ASTN1: variants seen among roughly 807,000 people sequenced by gnomAD.
ASTN1 encodes the protein astrotactin-1.
Under a neutral mutation model 140.7 loss-of-function variants are expected in ASTN1, and 41 were observed. The ratio of observed to expected loss-of-function variants is 0.29; its 90% CI spans 0.23 to 0.38. The LOEUF (loss-of-function observed/expected upper bound fraction) is 0.38, where lower values mean the gene tolerates loss of function less well. ASTN1 is among the 10% of genes least tolerant of loss of function. ASTN1 has a pLI of 1.00. For synonymous variants in ASTN1, 640 were observed against 652.2 expected, an observed-to-expected ratio of 0.98 and a Z score of 0.29; for missense variants, 1,479 against 1,678.8, an observed-to-expected ratio of 0.88 and a Z score of 2.08.
At chr1:177,051,459 T>A (rs770624342) in intron 2 of ASTN1, among the ~76,000 whole-genome samples, 3 of 152,246 alleles carry the variant, frequency 2.0e-5, no homozygotes, top group Non-Finnish European at 2.9e-5. Flanking sequence ...AGATGAATAG[T>A]TGAAAAAGAG....
intron 18 of ASTN1, among the ~76,000 whole-genome samples, chr1:176,885,502 C>T (rs1425316647): frequency 6.6e-6 from 1 of 152,136 alleles, no homozygotes; most frequent in Non-Finnish European, 1.5e-5. Flanking sequence ...TTCCCCATTC[C>T]TGCTCACTCC....
chr1:177,057,108 T>C (rs1347401587), intron 2 of ASTN1, among the ~76,000 whole-genome samples: 1 of 152,194 alleles, frequency 6.6e-6, no homozygotes, highest in Non-Finnish European at 1.5e-5. Context: ...AAAGCAATAA[T>C]GTAAGATTTC....
chr1:176,971,540 T>C (rs939185833), intron 8 of ASTN1, among the ~76,000 whole-genome samples: 1 of 152,182 alleles, frequency 6.6e-6, no homozygotes, highest in Admixed American at 6.5e-5. Context: ...CAACTGCTAT[T>C]TACTTGGACA....
intron 16 of ASTN1, 35 bp downstream of exon 16, chr1:176,934,116 TG>T: frequency 6.4e-7 from 1 of 1,573,188 alleles, no homozygotes; most frequent in Non-Finnish European, 8.7e-7. Context: ...AGTACTGGCA[TG>T]AGGTATGGAA....
At chr1:177,039,166 T>C (rs999617147) in intron 2 of ASTN1, among the ~76,000 whole-genome samples, 1 of 152,200 alleles carries the variant, frequency 6.6e-6, no homozygotes, top group African/African-American at 2.4e-5. Flanking sequence ...ATTTCAAAGC[T>C]TACTTTTACC....
intron 5 of ASTN1, among the ~76,000 whole-genome samples, chr1:177,026,378 A>G (rs900467332): frequency 6.6e-6 from 1 of 151,928 alleles, no homozygotes; most frequent in African/African-American, 2.4e-5. Context: ...AACTACTTCC[A>G]TTGCCCAGCC....
Position 176,862,900 on chromosome 1 carries a change from C to G in ASTN1, c.*1384G>C, listed in dbSNP as rs937349484. ...CTTGCATCTGTTTGCTGACCTTTCT[C>G]ATATGTTTCCAGATGAGGAGCCCTG... On this transcript the variant is annotated 3_prime_UTR_variant, in exon 23 of 23. Coordinates refer to ENST00000361833, the MANE Select transcript of ASTN1 (RefSeq NM_004319.3). 47 of 985,370 alleles carry G rather than the reference C, an allele frequency of 4.8e-5. No homozygotes were observed. In the African/African-American group the frequency reaches 7.3e-4, roughly 15 times the overall value. 61.0% of individuals were successfully genotyped at this position (985,370 alleles called of 1,614,324 possible).
At chr1:176,982,981 T>C (rs912558926) in intron 8 of ASTN1, among the ~76,000 whole-genome samples, 5 of 151,828 alleles carry the variant, frequency 3.3e-5, no homozygotes, top group Non-Finnish European at 7.4e-5. Context: ...CAGATGATGA[T>C]TGAGGGGGGA....
chr1:176,984,515 A>T (rs1673792920), intron 8 of ASTN1, among the ~76,000 whole-genome samples: 1 of 152,180 alleles, frequency 6.6e-6, no homozygotes, highest in South Asian at 2.1e-4. Flanking sequence ...CCAGGGAAAG[A>T]CTAGACTGGA....
rs559949331 is a variant in ASTN1 at position 177,118,231 on chromosome 1, C to T, written c.283+46163G>A. On this transcript the variant is annotated intron_variant, in intron 1 of 22. Transcript: ENST00000361833. ...TTAGTAATAATATTGGTTGTGATGACAATCTGATTATTTAGTGAATCTAGG... is the reference window on the plus strand; with the variant it reads ...TTAGTAATAATATTGGTTGTGATGATAATCTGATTATTTAGTGAATCTAGG... Among the ~76,000 whole-genome samples the T allele has an allele frequency of 5.9e-5, 9 of 151,656 alleles. 1 individual carries two copies. The East Asian group carries it at 1.4e-3, about 23-fold the overall frequency.
chr1:176,941,784 G>A (rs991889322), intron 14 of ASTN1, among the ~76,000 whole-genome samples: 5 of 152,150 alleles, frequency 3.3e-5, no homozygotes, highest in East Asian at 1.9e-4. Flanking sequence ...ACAGAGCCAC[G>A]TATCTTATTA....
At position 177,116,096 on chromosome 1, in the gene ASTN1, T is replaced by C. The variant is rs116010766; in HGVS notation, c.283+48298A>G. Reference sequence around the variant, plus strand: ...TCATGAAACCCAAATTCTAGAAAAATCAAGTTCTCATCCCATCTGACCTGA... The same window carrying C: ...TCATGAAACCCAAATTCTAGAAAAACCAAGTTCTCATCCCATCTGACCTGA... On this transcript the variant is annotated intron_variant, in intron 1 of 22. Transcript: ENST00000361833. Among the ~76,000 whole-genome samples the C allele has an allele frequency of 7.1e-3, 1,081 of 152,204 alleles. 12 individuals are homozygous for C. The highest frequency in any genetic ancestry group is 0.024 in the African/African-American group (994 of 41,528).
At chr1:177,118,767 T>C (rs1204292320) in intron 1 of ASTN1, among the ~76,000 whole-genome samples, 2 of 152,128 alleles carry the variant, frequency 1.3e-5, no homozygotes, top group Non-Finnish European at 2.9e-5. Context: ...TGCAGGTATA[T>C]AGGTAAATGC....
intron 1 of ASTN1, among the ~76,000 whole-genome samples, chr1:177,124,750 G>C (rs1270025204): frequency 6.6e-6 from 1 of 152,198 alleles, no homozygotes; most frequent in Non-Finnish European, 1.5e-5. Flanking sequence ...TTTTGATAGA[G>C]GAGGAGGAGT....
At chr1:177,036,199 C>A (rs1400376073) in intron 2 of ASTN1, among the ~76,000 whole-genome samples, 1 of 151,672 alleles carries the variant, frequency 6.6e-6, no homozygotes, top group Non-Finnish European at 1.5e-5. Context: ...TACAGGCATG[C>A]ACCACCACGC....
chr1:177,106,715 C>G (rs1680560360), intron 1 of ASTN1, among the ~76,000 whole-genome samples: 1 of 152,152 alleles, frequency 6.6e-6, no homozygotes, highest in Non-Finnish European at 1.5e-5. Context: ...TTCACAGATC[C>G]AATCAACAAA....
intron 1 of ASTN1, among the ~76,000 whole-genome samples, chr1:177,076,759 G>C (rs1678935003): frequency 6.6e-6 from 1 of 152,088 alleles, no homozygotes. Flanking sequence ...CTGACCTCAA[G>C]TGATCTGCCT....
rs570965147 is a variant in ASTN1 at position 176,882,758 on chromosome 1, T to G, written c.3362+101A>C. The G allele has an allele frequency of 2.0e-4, 293 of 1,476,838 alleles. 1 individual carries two copies. The East Asian group carries it at 2.9e-3, about 14-fold the overall frequency. 91.5% of individuals were successfully genotyped at this position (1,476,838 alleles called of 1,614,324 possible). ...ATAAGACTTCAGAGACTCAACATGT[T>G]TTGCTGAGTCTCTAAAGGAACTCAA... On this transcript the variant is annotated intron_variant, in intron 20 of 22. Coordinates refer to ENST00000361833, the MANE Select transcript of ASTN1 (RefSeq NM_004319.3).
intron 16 of ASTN1, among the ~76,000 whole-genome samples, chr1:176,918,001 T>C (rs1277993746): frequency 6.6e-6 from 1 of 152,178 alleles, no homozygotes; most frequent in East Asian, 1.9e-4. Flanking sequence ...GTTATAGTAC[T>C]TTATTATTCT....
Sources: allele counts gnomAD v4.1 joint callset (sites outside exome capture counted in the v4.1 genomes callset), GRCh38; gene constraint gnomAD v4.1.1; transcripts MANE v1.5; gene names NCBI Gene and HGNC (gene_info 2026-07-23, HGNC 2026-07-21).